Variants in PCSK2 observed in about 807,000 individuals in gnomAD.
PCSK2 encodes the protein proprotein convertase subtilisin/kexin type 2.
In PCSK2, 14 loss-of-function variants were observed where a neutral mutation model predicts 69.7. That is an observed-to-expected ratio of 0.20 (90% CI 0.13 to 0.31). The LOEUF is 0.31. Ranked by LOEUF, PCSK2 falls within the 10% of genes least tolerant of loss-of-function variation. The probability of loss-of-function intolerance (pLI) is 1.00; values close to 1 mark genes in which losing one functional copy is unlikely to be tolerated. For synonymous variants in PCSK2, 307 were observed against 320.7 expected (o/e 0.96, Z 0.46); for missense variants, 544 against 842.5 (o/e 0.65, Z 4.39).
At chr20:17,279,560 C>T (rs1988225102) in intron 2 of PCSK2, among the ~76,000 whole-genome samples, 1 of 151,720 alleles carries the variant, frequency 6.6e-6, no homozygotes, top group Admixed American at 6.6e-5. Context: ...AATCCCAGCA[C>T]TTTGGGAGGC....
At chr20:17,290,676 A>G (rs1600454882) in intron 2 of PCSK2, among the ~76,000 whole-genome samples, 1 of 152,314 alleles carries the variant, frequency 6.6e-6, no homozygotes, top group East Asian at 1.9e-4. Context: ...AATTATATTT[A>G]TGTGGGATTT....
rs6136065 is a variant in PCSK2, at chr20:17,316,618, G to A, written c.283-41709G>A. On this transcript the variant is annotated intron_variant, in intron 2 of 11. Transcript: ENST00000262545. Reference sequence around the variant, plus strand: ...ACCCAGAATCCTTTTCCAGGATTCAGGATGGAATCTTACAGGAGATACACA... The same window carrying A: ...ACCCAGAATCCTTTTCCAGGATTCAAGATGGAATCTTACAGGAGATACACA... Among the ~76,000 whole-genome samples the A allele has an allele frequency of 2.0e-5, 3 of 152,294 alleles. No individual in the cohort carries two copies. The East Asian group carries it at 5.8e-4, about 29-fold the overall frequency.
intron 8 of PCSK2, among the ~76,000 whole-genome samples, chr20:17,437,446 A>G (rs1016762793): frequency 6.6e-6 from 1 of 152,188 alleles, no homozygotes; most frequent in African/African-American, 2.4e-5. Flanking sequence ...GATGCAGGTC[A>G]GTGCTGCATA....
In PCSK2 at chr20:17,436,790, C is replaced by A. The variant is rs1413037284; in HGVS notation, c.792C>A (p.Ile264=). 2 of 1,613,984 alleles carry A rather than the reference C, an allele frequency of 1.2e-6. No individual in the cohort carries two copies. The highest frequency in any genetic ancestry group is 3.3e-5 in the Admixed American group (2 of 60,036). ...SISHMPQLID[I]YSASWGPTDN... ...GTCATATGCCACAGCTGATTGACATCTACAGCGCCAGCTGGGGCCCCACAG... is the reference window on the plus strand; with the variant it reads ...GTCATATGCCACAGCTGATTGACATATACAGCGCCAGCTGGGGCCCCACAG... The change falls in exon 8 of 12, where the codon ATC becomes ATA. Residue 264 remains isoleucine, a synonymous_variant. Transcript: ENST00000262545.
chr20:17,280,823 G>T (rs916494328), intron 2 of PCSK2, among the ~76,000 whole-genome samples: 1 of 152,218 alleles, frequency 6.6e-6, no homozygotes, highest in Admixed American at 6.5e-5. Flanking sequence ...ATCTGACAGT[G>T]TGTGGCAAAT....
chr20:17,434,354 A>G (rs1209920169), intron 7 of PCSK2, among the ~76,000 whole-genome samples: 2 of 129,458 alleles, frequency 1.5e-5, no homozygotes, highest in African/African-American at 3.0e-5. Flanking sequence ...CCCTTGGGTC[A>G]CGCTGAGCCT....
intron 2 of PCSK2, among the ~76,000 whole-genome samples, chr20:17,291,962 G>A (rs902316587): frequency 6.6e-6 from 1 of 152,122 alleles, no homozygotes; most frequent in South Asian, 2.1e-4. Context: ...AAATCTAGGG[G>A]TAAAAAGTGT....
intron 1 of PCSK2, among the ~76,000 whole-genome samples, chr20:17,243,728 C>T (rs1207056216): frequency 6.6e-6 from 1 of 152,172 alleles, no homozygotes; most frequent in African/African-American, 2.4e-5. Context: ...AAGAAGCACA[C>T]ACCACAACGT....
At chr20:17,241,679 C>T (rs928743721) in intron 1 of PCSK2, among the ~76,000 whole-genome samples, 8 of 152,166 alleles carry the variant, frequency 5.3e-5, no homozygotes, top group African/African-American at 1.9e-4. Flanking sequence ...CTTGTAGTCA[C>T]ACTGAACGGC....
chr20:17,482,032 G>T lies in PCSK2; in HGVS notation c.1879G>T (p.Val627Leu), dbSNP rs757047936. The part of the protein sequence containing the change: ...EELEEELDEA[V>L]ERSLKSILNK... ...GCTGGAGGAAGAGCTGGACGAAGCCGTGGAGAGAAGCCTGAAAAGCATCCT... is the reference window on the plus strand; with the variant it reads ...GCTGGAGGAAGAGCTGGACGAAGCCTTGGAGAGAAGCCTGAAAAGCATCCT... The change falls in exon 12 of 12, where the codon GTG (valine) becomes TTG (leucine). Residue 627 changes from valine (V) to leucine (L), a missense_variant. Coordinates refer to ENST00000262545, the MANE Select transcript of PCSK2 (RefSeq NM_002594.5). The T allele has an allele frequency of 2.2e-5, 35 of 1,605,462 alleles. No individual in the cohort carries two copies. In the East Asian group the frequency reaches 5.1e-4, roughly 24 times the overall value.
chr20:17,244,645 T>C (rs909126206), intron 1 of PCSK2, among the ~76,000 whole-genome samples: 1 of 152,174 alleles, frequency 6.6e-6, no homozygotes, highest in Non-Finnish European at 1.5e-5. Flanking sequence ...AACTTTCCAG[T>C]TAATAAATTA....
chr20:17,352,504 T>C (rs1423691186), intron 2 of PCSK2, among the ~76,000 whole-genome samples: 1 of 151,990 alleles, frequency 6.6e-6, no homozygotes, highest in African/African-American at 2.4e-5. Flanking sequence ...AACAGACACA[T>C]AGAACAATGG....
intron 11 of PCSK2, among the ~76,000 whole-genome samples, chr20:17,473,087 CTTTT>C (rs10648323): frequency 2.6e-5 from 2 of 76,800 alleles, no homozygotes; most frequent in African/African-American, 1.1e-4. Flanking sequence ...AAGAAGAACT[CTTTT>C]TTTTTTTTTT....
At chr20:17,442,186 C>A (rs59289956) in intron 8 of PCSK2, among the ~76,000 whole-genome samples, 2 of 151,606 alleles carry the variant, frequency 1.3e-5, no homozygotes, top group Non-Finnish European at 2.9e-5. Flanking sequence ...GATTCCTTCT[C>A]CAGAACTTCT....
At chr20:17,426,262 G>C (rs1443702491) in intron 6 of PCSK2, among the ~76,000 whole-genome samples, 1 of 152,070 alleles carries the variant, frequency 6.6e-6, no homozygotes, top group Non-Finnish European at 1.5e-5. Flanking sequence ...TCCCCTGCTG[G>C]CACTCATTTA....
chr20:17,260,385 C>A, intron 2 of PCSK2, 41 bp downstream of exon 2: 2 of 1,365,950 alleles, frequency 1.5e-6, no homozygotes, highest in South Asian at 1.2e-5. Context: ...TCTCTGCTGC[C>A]ATGGCTGAGC....
At chr20:17,301,672 C>T (rs11696391) in intron 2 of PCSK2, among the ~76,000 whole-genome samples, 31,755 of 152,020 alleles carry the variant, frequency 0.21, 3,764 homozygotes, top group Middle Eastern at 0.3. Context: ...GTGGCTCACG[C>T]CTGTAATCCC....
At chr20:17,457,343 T>C (rs1568658471) in intron 10 of PCSK2, among the ~76,000 whole-genome samples, 1 of 152,118 alleles carries the variant, frequency 6.6e-6, no homozygotes, top group Non-Finnish European at 1.5e-5. Context: ...GCCCTGCTTG[T>C]CTCTCTCCAC....
intron 10 of PCSK2, chr20:17,464,681 T>C (rs1354128924): frequency 6.6e-6 from 1 of 152,554 alleles, no homozygotes; most frequent in African/African-American, 2.4e-5. Flanking sequence ...CTGGCTTCTT[T>C]AGGCCAACAT....
Sources: allele counts gnomAD v4.1 joint callset (sites outside exome capture counted in the v4.1 genomes callset), GRCh38; gene constraint gnomAD v4.1.1; transcripts MANE v1.5; gene names NCBI Gene and HGNC (gene_info 2026-07-23, HGNC 2026-07-21).